TRHDE: variants seen among roughly 807,000 people sequenced by gnomAD.
TRHDE encodes the protein thyrotropin releasing hormone degrading enzyme.
A neutral mutation model predicts 125.7 loss-of-function variants in TRHDE; 72 were observed. The ratio of observed to expected loss-of-function variants is 0.57; its 90% confidence interval spans 0.47 to 0.70. The LOEUF is 0.70. Ranked by LOEUF, TRHDE falls within the 30% of genes least tolerant of loss-of-function variation. The pLI is 0.00. For synonymous variants in TRHDE, 509 were observed against 509.1 expected (o/e 1.00, Z 0.00); for missense variants, 1,110 against 1,327.1 (o/e 0.84, Z 2.54).
At chr12:72,104,792 T>C (rs768175666) in intron 1 of TRHDE, among the ~76,000 whole-genome samples, 2 of 152,212 alleles carry the variant, frequency 1.3e-5, no homozygotes, top group Admixed American at 6.5e-5. Context: ...GGGGACTTTA[T>C]TGACATATGT....
At chr12:72,288,794 G>A (rs1304116556) in intron 2 of TRHDE, among the ~76,000 whole-genome samples, 2 of 152,098 alleles carry the variant, frequency 1.3e-5, no homozygotes, top group Admixed American at 1.3e-4. Flanking sequence ...GTGACTTTTT[G>A]TTAGAGTTAA....
chr12:72,512,476 AATTATATAATAATAATAT>A (rs1048895995), intron 6 of TRHDE, among the ~76,000 whole-genome samples: 1 of 139,408 alleles, frequency 7.2e-6, no homozygotes, highest in Non-Finnish European at 1.5e-5. Flanking sequence ...ATATAGTTAT[AATTATATAATAATAATAT>A]ATTATATAGT....
At chr12:72,173,953 A>G (rs750164599) in intron 2 of TRHDE, among the ~76,000 whole-genome samples, 1 of 152,170 alleles carries the variant, frequency 6.6e-6, no homozygotes, top group African/African-American at 2.4e-5. Context: ...ACCTGTATGC[A>G]TGTCGTTTTA....
At chr12:72,365,480 G>T (rs1483440589) in intron 2 of TRHDE, among the ~76,000 whole-genome samples, 1 of 152,036 alleles carries the variant, frequency 6.6e-6, no homozygotes, top group Non-Finnish European at 1.5e-5. Flanking sequence ...GGGACACTTG[G>T]AGAAAAATAA....
chr12:72,192,176 G>A (rs914951357), intron 2 of TRHDE, among the ~76,000 whole-genome samples: 3 of 152,174 alleles, frequency 2.0e-5, no homozygotes, highest in African/African-American at 7.2e-5. Flanking sequence ...CAGGGTCTGC[G>A]TGAACCTGGA....
At position 72,575,262 on chromosome 12, in the gene TRHDE, C is replaced by T. The variant is rs1870936597; in HGVS notation, c.2139C>T (p.His713=). 1 of 1,612,926 alleles carries T rather than the reference C, an allele frequency of 6.2e-7. No individual in the cohort carries two copies. ...CAAAAATGCTTTTTTCAGAGCACCA[C>T]AGAATAACTTATTTGGACAAAGGAA... ...IIWVSNKSEH[H]RITYLDKGSW... The change falls in exon 11 of 19, where the codon CAC becomes CAT. Residue 713 remains histidine, a synonymous_variant. Transcript: ENST00000261180.
intron 2 of TRHDE, among the ~76,000 whole-genome samples, chr12:72,356,836 T>C (rs1183229923): frequency 1.3e-5 from 2 of 151,514 alleles, no homozygotes; most frequent in Non-Finnish European, 3.0e-5. Context: ...ATGGTGAAAC[T>C]ATGAAACTCC....
At chr12:72,649,759 T>C (rs1469868117) in intron 15 of TRHDE, among the ~76,000 whole-genome samples, 7 of 151,902 alleles carry the variant, frequency 4.6e-5, no homozygotes, top group Non-Finnish European at 8.8e-5. Flanking sequence ...CCAGATGACA[T>C]AGAGGTGGCC....
chr12:72,597,757 ATG>A (rs1246366503), intron 12 of TRHDE, among the ~76,000 whole-genome samples: 460 of 9,398 alleles, frequency 0.049, 17 homozygotes, highest in Middle Eastern at 0.083. Context: ...ATATATATAT[ATG>A]CATACACACA....
At chr12:72,370,798 G>A (rs185398043) in intron 2 of TRHDE, among the ~76,000 whole-genome samples, 105 of 151,328 alleles carry the variant, frequency 6.9e-4, no homozygotes, top group African/African-American at 2.5e-3. Flanking sequence ...GCTGGAATGC[G>A]ATGGCGTGAT....
chr12:72,354,453 T>G (rs893227495), intron 2 of TRHDE, among the ~76,000 whole-genome samples: 3 of 151,340 alleles, frequency 2.0e-5, no homozygotes, highest in African/African-American at 7.2e-5. Context: ...GGGCAGAAAT[T>G]TAGTTTTATT....
intron 6 of TRHDE, among the ~76,000 whole-genome samples, chr12:72,536,877 C>G (rs565140348): frequency 6.6e-6 from 1 of 152,180 alleles, no homozygotes; most frequent in South Asian, 2.1e-4. Flanking sequence ...GGTTTTCCTT[C>G]TTCCTCTTCT....
intron 2 of TRHDE, among the ~76,000 whole-genome samples, chr12:72,265,865 T>C (rs1219663949): frequency 6.6e-6 from 1 of 151,866 alleles, no homozygotes; most frequent in Non-Finnish European, 1.5e-5. Flanking sequence ...GAAAACACTG[T>C]AGTTCAAAAT....
At chr12:72,382,351 G>C (rs1241792657) in intron 3 of TRHDE, among the ~76,000 whole-genome samples, 2 of 151,924 alleles carry the variant, frequency 1.3e-5, no homozygotes, top group Non-Finnish European at 2.9e-5. Context: ...GGGGGACAGT[G>C]ACTAGAAGCA....
chr12:72,352,602 A>G (rs1292890076), intron 2 of TRHDE, among the ~76,000 whole-genome samples: 1 of 151,778 alleles, frequency 6.6e-6, no homozygotes, highest in Non-Finnish European at 1.5e-5. Context: ...TGGGCTAGGC[A>G]GTTTGTGTGC....
intron 5 of TRHDE, among the ~76,000 whole-genome samples, chr12:72,480,203 G>T (rs1292821197): frequency 6.6e-6 from 1 of 151,330 alleles, no homozygotes; most frequent in Non-Finnish European, 1.5e-5. Context: ...GGGTCAAATG[G>T]TATTTCTAGT....
At chr12:72,185,953 AC>A (rs1466408240) in intron 2 of TRHDE, among the ~76,000 whole-genome samples, 1 of 152,044 alleles carries the variant, frequency 6.6e-6, no homozygotes, top group Non-Finnish European at 1.5e-5. Flanking sequence ...GACGTGGAGA[AC>A]CTTTGTATCT....
intron 2 of TRHDE, among the ~76,000 whole-genome samples, chr12:72,315,342 A>T (rs1328679718): frequency 6.6e-6 from 1 of 152,188 alleles, no homozygotes; most frequent in Non-Finnish European, 1.5e-5. Flanking sequence ...TAGGTCTTAT[A>T]CAAGTTCCTC....
Position 72,668,589 on chromosome 12 carries a change from T to C in TRHDE, c.*5394T>C, listed in dbSNP as rs1043688179. On this transcript the variant is annotated 3_prime_UTR_variant, in exon 19 of 19. Transcript: ENST00000261180. ...TGTTTTGAATTAAATGTTTGTGCTG[T>C]ATTAATGTTAAGTGAGTTAAGATAA... The C allele has an allele frequency of 6.6e-6, 1 of 151,884 alleles. No homozygotes were observed. The highest frequency in any genetic ancestry group is 6.6e-5 in the Admixed American group (1 of 15,204). 9.4% of individuals were successfully genotyped at this position (151,884 alleles called of 1,614,324 possible).
Sources: gnomAD v4.1 joint callset for allele counts (sites outside exome capture counted in the v4.1 genomes callset) on GRCh38, gnomAD v4.1.1 for gene constraint, MANE v1.5 for transcripts, NCBI Gene and HGNC (gene_info 2026-07-23, HGNC 2026-07-21) for gene names.